The following KDM4C variants were observed in gnomAD, a reference collection of about 807,000 sequenced individuals.
KDM4C encodes lysine-specific demethylase 4C.
KDM4C carries 81 observed loss-of-function variants against 129.3 expected under a neutral mutation model. The ratio of observed to expected loss-of-function variants is 0.63; its 90% CI spans 0.52 to 0.75. The LOEUF is 0.75. KDM4C is among the 30% of genes least tolerant of loss of function. The probability of loss-of-function intolerance (pLI) is 0.00; values close to 1 mark genes in which losing one functional copy is unlikely to be tolerated. For missense variants in KDM4C, 1,457 were observed against 1,304.0 expected (o/e 1.12, Z -1.81); for synonymous variants, 573 against 456.1 (o/e 1.26, Z -3.26).
intron 8 of KDM4C, among the ~76,000 whole-genome samples, chr9:6,921,982 C>G (rs1306612470): frequency 6.6e-6 from 1 of 152,220 alleles, no homozygotes; most frequent in African/African-American, 2.4e-5. Flanking sequence ...TCACTGATAT[C>G]ATTTCTCAAT....
Position 6,823,427 on chromosome 9 carries a change from GT to G in KDM4C, c.435+8683del, listed in dbSNP as rs535752960. Among the ~76,000 whole-genome samples, 14 of 152,344 alleles carry G rather than the reference GT, an allele frequency of 9.2e-5. No homozygotes were observed. In the East Asian group the frequency reaches 2.7e-3, roughly 29 times the overall value. On this transcript the variant is annotated intron_variant, in intron 4 of 21. Coordinates refer to ENST00000381309, the MANE Select transcript of KDM4C (RefSeq NM_015061.6). Reference sequence around the variant, plus strand: ...TAAAGACTGAGAATTTCCTGTGTGTGTAACCATCTTTGATGATAGTTTTCTG... The same window carrying G: ...TAAAGACTGAGAATTTCCTGTGTGTGAACCATCTTTGATGATAGTTTTCTG...
chr9:6,720,907 G>T, exon 1 of KDM4C: 1 of 1,530,718 alleles, frequency 6.5e-7, no homozygotes, highest in Non-Finnish European at 8.9e-7. Flanking sequence ...TTGAATAGTT[G>T]GAGTGTTCTG....
chr9:7,027,073 C>G (rs963943069), intron 15 of KDM4C, among the ~76,000 whole-genome samples: 1 of 152,064 alleles, frequency 6.6e-6, no homozygotes, highest in Non-Finnish European at 1.5e-5. Context: ...CTGTGTTTCT[C>G]CAGGACTGGC....
intron 15 of KDM4C, among the ~76,000 whole-genome samples, chr9:7,029,123 G>T (rs1161434335): frequency 6.6e-6 from 1 of 152,052 alleles, no homozygotes; most frequent in Admixed American, 6.6e-5. Flanking sequence ...ATCTTGTTCT[G>T]CCCTGTCTCC....
chr9:6,800,655 C>G lies in KDM4C; in HGVS notation c.145-4944C>G, dbSNP rs574261117. On this transcript the variant is annotated intron_variant, in intron 2 of 21. Coordinates refer to ENST00000381309, the MANE Select transcript of KDM4C (RefSeq NM_015061.6). ...TTATTTAGTTCTTTTGAGACAGGGT[C>G]TTGCTCTGTCACCCAGGCTGGAGCG... is the stretch of plus-strand genomic sequence containing the variant. 4.9e-3 allele frequency among the ~76,000 whole-genome samples: 753 copies of G among 152,210 alleles called. 5 individuals are homozygous for G. Among genetic ancestry groups the G allele is most frequent in the South Asian group, 0.013 (64 of 4,808 alleles).
chr9:6,795,485 C>T (rs751709392), intron 2 of KDM4C, among the ~76,000 whole-genome samples: 23 of 152,122 alleles, frequency 1.5e-4, no homozygotes, highest in Non-Finnish European at 2.8e-4. Context: ...GCATGTACCA[C>T]CATGCCTGGA....
chr9:7,069,109 A>T (rs1442720314), intron 17 of KDM4C, among the ~76,000 whole-genome samples: 2 of 152,164 alleles, frequency 1.3e-5, no homozygotes, highest in African/African-American at 2.4e-5. Context: ...CTGAGTGGCA[A>T]GTAAGATTCA....
chr9:7,001,295 A>G (rs1820677483), intron 12 of KDM4C, among the ~76,000 whole-genome samples: 1 of 152,184 alleles, frequency 6.6e-6, no homozygotes, highest in Non-Finnish European at 1.5e-5. Flanking sequence ...CTTAAGGAGG[A>G]ATGATTGGCT....
intron 1 of KDM4C, among the ~76,000 whole-genome samples, chr9:6,773,498 G>A (rs763283045): frequency 2.0e-5 from 3 of 152,104 alleles, no homozygotes; most frequent in Admixed American, 6.6e-5. Context: ...TAGGCCAGGC[G>A]TGGTGGCTCA....
chr9:6,920,052 G>A (rs1362031641), intron 8 of KDM4C, among the ~76,000 whole-genome samples: 2 of 152,172 alleles, frequency 1.3e-5, no homozygotes, highest in African/African-American at 4.8e-5. Context: ...TAAAGAAAGA[G>A]TTTAATTGAT....
chr9:6,865,008 C>CTTTTTT (rs777981928), intron 5 of KDM4C, among the ~76,000 whole-genome samples: 36 of 126,582 alleles, frequency 2.8e-4, no homozygotes, highest in Non-Finnish European at 3.5e-4. Flanking sequence ...AAATTTCTTT[C>CTTTTTT]TTTTTTTTTT....
chr9:7,098,057 T>G (rs946475428), intron 17 of KDM4C, among the ~76,000 whole-genome samples: 1 of 152,274 alleles, frequency 6.6e-6, no homozygotes, highest in Non-Finnish European at 1.5e-5. Flanking sequence ...AGTATGACTG[T>G]GCTGTTGGTG....
intron 1 of KDM4C, among the ~76,000 whole-genome samples, chr9:6,777,068 C>T (rs1823233242): frequency 6.6e-6 from 1 of 152,176 alleles, no homozygotes; most frequent in Non-Finnish European, 1.5e-5. Flanking sequence ...GTATTTTCAT[C>T]CCCTACCCCC....
intron 17 of KDM4C, among the ~76,000 whole-genome samples, chr9:7,070,611 A>G (rs1365031749): frequency 1.3e-5 from 2 of 152,214 alleles, no homozygotes; most frequent in African/African-American, 4.8e-5. Flanking sequence ...AAGAAAAGCC[A>G]TATGATTAAT....
intron 19 of KDM4C, among the ~76,000 whole-genome samples, chr9:7,159,839 G>T (rs1326729742): frequency 6.6e-6 from 1 of 152,082 alleles, no homozygotes; most frequent in Non-Finnish European, 1.5e-5. Context: ...GAGTATCTTT[G>T]TGGTGTTCTC....
chr9:7,156,011 C>A lies in KDM4C; in HGVS notation c.2782-9227C>A, dbSNP rs1031846759. Among the ~76,000 whole-genome samples, 8 of 152,354 alleles carry A rather than the reference C, an allele frequency of 5.3e-5. No homozygotes were observed. In the East Asian group the frequency reaches 1.5e-3, roughly 29 times the overall value. On this transcript the variant is annotated intron_variant, in intron 19 of 21. Transcript: ENST00000381309. ...GCGTTCCTATTTCTCCACATCCTCT[C>A]CAGCATCTGTTGTTTCCTGACTTTT...
At chr9:6,775,218 T>C (rs922169102) in intron 1 of KDM4C, among the ~76,000 whole-genome samples, 1 of 152,038 alleles carries the variant, frequency 6.6e-6, no homozygotes, top group Admixed American at 6.6e-5. Flanking sequence ...GGTTTCACCA[T>C]GTTGGCCAGG....
At chr9:7,091,413 A>T (rs1012365811) in intron 17 of KDM4C, among the ~76,000 whole-genome samples, 2 of 152,186 alleles carry the variant, frequency 1.3e-5, no homozygotes, top group Admixed American at 6.5e-5. Context: ...TTTTTTCACT[A>T]AAACACTTTA....
In KDM4C at chr9:7,167,021, A is replaced by G. The variant is rs537490088; in HGVS notation, c.2901+1664A>G. On this transcript the variant is annotated intron_variant, in intron 20 of 21. Transcript: ENST00000381309. ...TTTTAAAAATAGATATGACAGATAA[A>G]TAAATACCTGCTGCACAGTGCTTAA... 5.4e-4 allele frequency among the ~76,000 whole-genome samples: 83 copies of G among 152,354 alleles called. 4 individuals are homozygous for G. In the South Asian group the frequency reaches 0.017, roughly 31 times the overall value.
Sources: allele counts gnomAD v4.1 joint callset (sites outside exome capture counted in the v4.1 genomes callset), GRCh38; gene constraint gnomAD v4.1.1; transcripts MANE v1.5; gene names NCBI Gene and HGNC (gene_info 2026-07-23, HGNC 2026-07-21).